The following MCU variants were observed in gnomAD, a reference collection of about 807,000 sequenced individuals.
The protein encoded by MCU is calcium uniporter protein, mitochondrial.
A neutral mutation model predicts 45.2 loss-of-function variants in MCU; 12 were observed. That is an observed-to-expected ratio of 0.27 (90% CI 0.17 to 0.43). The LOEUF (loss-of-function observed/expected upper bound fraction) is 0.43, where lower values mean the gene tolerates loss of function less well. Among genes scored for constraint, MCU ranks in the 20% least tolerant of loss-of-function variants. The pLI, the probability that MCU is intolerant of heterozygous loss-of-function variation, is 1.00. For missense variants in MCU, 324 were observed against 436.7 expected (o/e 0.74, Z 2.30); for synonymous variants, 160 against 165.1 (o/e 0.97, Z 0.24).
intron 4 of MCU, among the ~76,000 whole-genome samples, chr10:72,867,085 C>T (rs554376244): frequency 6.7e-6 from 1 of 148,436 alleles, no homozygotes; most frequent in African/African-American, 2.5e-5. Flanking sequence ...GTGTTGTATC[C>T]CATTTTACTA....
chr10:72,819,939 T>C (rs1300782433), intron 1 of MCU, among the ~76,000 whole-genome samples: 2 of 152,192 alleles, frequency 1.3e-5, no homozygotes, highest in East Asian at 3.8e-4. Context: ...AGGAAAATTG[T>C]ATTTTTTTCT....
chr10:72,734,352 G>A (rs1475808981), intron 1 of MCU, among the ~76,000 whole-genome samples: 8 of 152,142 alleles, frequency 5.3e-5, no homozygotes, highest in Non-Finnish European at 8.8e-5. Context: ...ACTATGTACT[G>A]CAAATACAAA....
chr10:72,802,960 CA>C (rs2132784725), intron 1 of MCU, among the ~76,000 whole-genome samples: 1 of 152,248 alleles, frequency 6.6e-6, no homozygotes, highest in East Asian at 1.9e-4. Context: ...GATCGTGTAC[CA>C]AAAGAATTGT....
chr10:72,783,485 C>T (rs1439070684), intron 1 of MCU, among the ~76,000 whole-genome samples: 3 of 150,562 alleles, frequency 2.0e-5, no homozygotes, highest in Non-Finnish European at 4.4e-5. Flanking sequence ...TTATTCAACT[C>T]TTTGGCATCT....
intron 1 of MCU, among the ~76,000 whole-genome samples, chr10:72,785,864 G>A (rs1844064354): frequency 6.6e-6 from 1 of 152,174 alleles, no homozygotes; most frequent in Non-Finnish European, 1.5e-5. Flanking sequence ...AGAAATCAAA[G>A]GAGTATTGCC....
intron 1 of MCU, among the ~76,000 whole-genome samples, chr10:72,755,218 C>T (rs563174598): frequency 6.9e-6 from 1 of 145,762 alleles, no homozygotes; most frequent in East Asian, 2.0e-4. Context: ...GGTATGATCT[C>T]AGTCACTGCA....
intron 1 of MCU, among the ~76,000 whole-genome samples, chr10:72,815,702 A>G (rs932985378): frequency 6.6e-6 from 1 of 152,238 alleles, no homozygotes; most frequent in Non-Finnish European, 1.5e-5. Context: ...TCTAATACCC[A>G]TGAGATCTTT....
At chr10:72,715,972 A>G (rs1490041811) in intron 1 of MCU, 4 of 775,050 alleles carry the variant, frequency 5.2e-6, no homozygotes, top group Non-Finnish European at 3.1e-6. Context: ...GTGTGAACTC[A>G]TGTGGTTTTA....
intron 1 of MCU, among the ~76,000 whole-genome samples, chr10:72,805,101 C>CTCATTCTTTCTTTCTT (rs1554824915): frequency 3.8e-4 from 39 of 103,398 alleles, no homozygotes; most frequent in Non-Finnish European, 6.1e-4. Flanking sequence ...TTCTTTCTTT[C>CTCATTCTTTCTTTCTT]TCTTTCTTTC....
At chr10:72,807,933 C>G (rs1346841840) in intron 1 of MCU, among the ~76,000 whole-genome samples, 1 of 152,138 alleles carries the variant, frequency 6.6e-6, no homozygotes, top group Non-Finnish European at 1.5e-5. Flanking sequence ...AATAACTTTT[C>G]CAAATAGAAA....
At chr10:72,712,941 G>A (rs538148734) in intron 1 of MCU, among the ~76,000 whole-genome samples, 1 of 152,256 alleles carries the variant, frequency 6.6e-6, no homozygotes, top group East Asian at 1.9e-4. Flanking sequence ...GAAATGCTGA[G>A]GCAGCAAGGG....
At chr10:72,707,649 T>TG (rs1564534358) in intron 1 of MCU, among the ~76,000 whole-genome samples, 1 of 98,742 alleles carries the variant, frequency 1.0e-5, no homozygotes, top group South Asian at 3.8e-4. Context: ...GTGTGTGTGT[T>TG]TCCCACCAAA....
chr10:72,703,682 A>G lies in MCU; in HGVS notation c.150+11381A>G, dbSNP rs559893803. On this transcript the variant is annotated intron_variant, in intron 1 of 7. Transcript: ENST00000373053. ...CACTTTGGGAGGTGGAGGCAGGCAG[A>G]TCACTTGAGGCCAGGAGTTTGAGAC... 1.5e-4 allele frequency among the ~76,000 whole-genome samples: 23 copies of G among 152,320 alleles called. 1 individual carries two copies. Among genetic ancestry groups the G allele is most frequent in the Middle Eastern group, 6.8e-3 (2 of 294 alleles).
chr10:72,696,118 T>C (rs3009556), intron 1 of MCU, among the ~76,000 whole-genome samples: 98,415 of 139,664 alleles, frequency 0.7, 35,568 homozygotes, highest in African/African-American at 0.85. Flanking sequence ...GCCAAGATCA[T>C]GCCACTGCAC....
At chr10:72,798,042 A>G (rs1156795291) in intron 1 of MCU, among the ~76,000 whole-genome samples, 3 of 152,192 alleles carry the variant, frequency 2.0e-5, no homozygotes, top group Non-Finnish European at 4.4e-5. Flanking sequence ...ATATAGTTCA[A>G]TATATTGAGG....
intron 2 of MCU, among the ~76,000 whole-genome samples, chr10:72,856,444 G>C (rs938350555): frequency 2.6e-5 from 4 of 151,986 alleles, no homozygotes; most frequent in African/African-American, 9.7e-5. Flanking sequence ...TATAATGTAG[G>C]CCTTATGAAT....
rs1025287025 is a variant in MCU at position 72,796,551 on chromosome 10, G to T, written c.151-37808G>T. Among the ~76,000 whole-genome samples the T allele has an allele frequency of 6.6e-5, 10 of 152,076 alleles. No individual in the cohort carries two copies. In the East Asian group the frequency reaches 7.7e-4, roughly 12 times the overall value. Reference sequence around the variant, plus strand: ...TAATTTTTTATTTTTAAAGAGACAGGTCTCGCTTTGTTACTCATGTTGGAG... The same window carrying T: ...TAATTTTTTATTTTTAAAGAGACAGTTCTCGCTTTGTTACTCATGTTGGAG... On this transcript the variant is annotated intron_variant, in intron 1 of 7. Transcript: ENST00000373053.
chr10:72,704,214 C>T (rs934022978), intron 1 of MCU, among the ~76,000 whole-genome samples: 1 of 151,968 alleles, frequency 6.6e-6, no homozygotes, highest in Non-Finnish European at 1.5e-5. Flanking sequence ...GGAAAAGATG[C>T]CTGACTAGGA....
chr10:72,880,898 T>G (rs1845691696), intron 6 of MCU, among the ~76,000 whole-genome samples: 1 of 152,130 alleles, frequency 6.6e-6, no homozygotes, highest in African/African-American at 2.4e-5. Flanking sequence ...GAGGCCAAGG[T>G]GGGAGAATCA....
Sources: allele counts gnomAD v4.1 joint callset (sites outside exome capture counted in the v4.1 genomes callset), GRCh38; gene constraint gnomAD v4.1.1; transcripts MANE v1.5; gene names NCBI Gene and HGNC (gene_info 2026-07-23, HGNC 2026-07-21).